PIRT: variants seen among roughly 807,000 people sequenced by gnomAD.
PIRT encodes the protein phosphoinositide interacting regulator of transient receptor potential channels, also known as phosphoinositide-interacting protein.
In PIRT, 6 loss-of-function variants were observed where a neutral mutation model predicts 7.9. The observed-to-expected ratio is 0.76, with a 90% CI of 0.42 to 1.51. The LOEUF (loss-of-function observed/expected upper bound fraction) is 1.51, where lower values mean the gene tolerates loss of function less well. Among genes scored for constraint, PIRT ranks in the 40% most tolerant of loss-of-function variants. The pLI is 0.01. For synonymous variants in PIRT, 78 were observed against 71.8 expected (o/e 1.09, Z -0.44); for missense variants, 170 against 172.9 (o/e 0.98, Z 0.09).
chr17:10,833,797 C>T (rs181236909), intron 1 of PIRT, among the ~76,000 whole-genome samples: 3 of 151,416 alleles, frequency 2.0e-5, no homozygotes, highest in Non-Finnish European at 4.4e-5. Context: ...GATTAATAGA[C>T]AAAGAGCCCA....
chr17:10,826,082 G>A (rs1023468059), intron 1 of PIRT, among the ~76,000 whole-genome samples: 1 of 151,996 alleles, frequency 6.6e-6, no homozygotes, highest in African/African-American at 2.4e-5. Context: ...TCCTGCCTCA[G>A]CCTCCTGAGT....
chr17:10,834,870 G>A (rs959014029), intron 1 of PIRT, among the ~76,000 whole-genome samples: 5 of 151,246 alleles, frequency 3.3e-5, no homozygotes, highest in Non-Finnish European at 5.9e-5. Context: ...GATTACAGAC[G>A]TGAGCCACTG....
chr17:10,833,582 GTC>G (rs1479581602), intron 1 of PIRT, among the ~76,000 whole-genome samples: 1 of 152,084 alleles, frequency 6.6e-6, no homozygotes, highest in Non-Finnish European at 1.5e-5. Context: ...GTGAAACTCT[GTC>G]TCTGCTAAAA....
chr17:10,829,999 CT>C (rs1209361691), intron 1 of PIRT, among the ~76,000 whole-genome samples: 1 of 141,798 alleles, frequency 7.1e-6, no homozygotes, highest in Non-Finnish European at 1.6e-5. Context: ...ATCTATCTAT[CT>C]ATCTATCTAT....
rs1905251331 is a variant in PIRT, at chr17:10,823,682, T to G, written c.*1550A>C. 6.6e-6 allele frequency: 1 copy of G among 152,210 alleles called. No individual in the cohort carries two copies. The highest frequency in any genetic ancestry group is 2.4e-5 in the African/African-American group (1 of 41,438). The allele number at this position is 152,210 out of a possible 1,614,324, so 9.4% of individuals were successfully genotyped here. ...GCTCCCTCACAGGTACTGCTTCTGT[T>G]CTTTCACCTACGGGCCTCTTGGTTG... is the stretch of plus-strand genomic sequence containing the variant. On this transcript the variant is annotated 3_prime_UTR_variant, in exon 2 of 2. Coordinates refer to ENST00000580256, the MANE Select transcript of PIRT (RefSeq NM_001101387.2).
At chr17:10,831,795 A>G (rs1464918441) in intron 1 of PIRT, among the ~76,000 whole-genome samples, 5 of 152,234 alleles carry the variant, frequency 3.3e-5, no homozygotes, top group African/African-American at 1.2e-4. Context: ...GGATGGGCCT[A>G]TGGAGGAGCA....
rs1905634484 is a variant in PIRT at position 10,838,018 on chromosome 17, T to A, written c.-212A>T. 1 of 152,268 alleles carries A rather than the reference T, an allele frequency of 6.6e-6. No homozygotes were observed. The highest frequency in any genetic ancestry group is 1.9e-4 in the East Asian group (1 of 5,168). 9.4% of individuals were successfully genotyped at this position (152,268 alleles called of 1,614,324 possible). A position where few individuals can be genotyped will look rare whatever the true frequency, so the allele number is the denominator to read the frequency against. On this transcript the variant is annotated 5_prime_UTR_variant, in exon 1 of 2. Coordinates refer to ENST00000580256, the MANE Select transcript of PIRT (RefSeq NM_001101387.2). ...GCTCGTGCAAGGAGGAAGCCGGCAA[T>A]GAGTTTCTGCTCAAGTCCATGCCAG... is the stretch of plus-strand genomic sequence containing the variant.
In PIRT at chr17:10,829,965, G is replaced by GTCTGTCTATCTA. The variant is rs1195802326; in HGVS notation, c.-138-4183_-138-4182insTAGATAGACAGA. On this transcript the variant is annotated intron_variant, in intron 1 of 1. Coordinates refer to ENST00000580256, the MANE Select transcript of PIRT (RefSeq NM_001101387.2). ...TTGTCCACTATGTAGATGTCTGTCT[G>GTCTGTCTATCTA]TCTATCTATCTATCTATCTATCTAT... Among the ~76,000 whole-genome samples the GTCTGTCTATCTA allele has an allele frequency of 1.7e-3, 248 of 149,590 alleles. 1 individual carries two copies. Among genetic ancestry groups the GTCTGTCTATCTA allele is most frequent in the Middle Eastern group, 6.8e-3 (2 of 294 alleles).
intron 1 of PIRT, among the ~76,000 whole-genome samples, chr17:10,826,673 A>C (rs944691913): frequency 2.6e-5 from 4 of 152,246 alleles, no homozygotes; most frequent in African/African-American, 9.6e-5. Flanking sequence ...AGATCACACG[A>C]TAAGGAACAG....
chr17:10,828,314 G>A (rs1905381962), intron 1 of PIRT, among the ~76,000 whole-genome samples: 1 of 152,084 alleles, frequency 6.6e-6, no homozygotes, highest in Non-Finnish European at 1.5e-5. Flanking sequence ...GCTCTCCGAG[G>A]CTTCTGCTCT....
intron 1 of PIRT, among the ~76,000 whole-genome samples, chr17:10,832,287 G>A (rs1905481014): frequency 6.6e-6 from 1 of 152,138 alleles, no homozygotes; most frequent in Non-Finnish European, 1.5e-5. Context: ...CCGCCTCCTG[G>A]GTTCAAGTGA....
intron 1 of PIRT, among the ~76,000 whole-genome samples, chr17:10,836,139 G>A (rs939525001): frequency 5.3e-5 from 8 of 152,182 alleles, no homozygotes; most frequent in African/African-American, 1.7e-4. Context: ...CTGACCTCAG[G>A]TGATCCACCT....
intron 1 of PIRT, among the ~76,000 whole-genome samples, chr17:10,826,259 C>T (rs771433493): frequency 1.1e-4 from 16 of 152,328 alleles, no homozygotes; most frequent in African/African-American, 2.9e-4. Flanking sequence ...CCACCGCACC[C>T]GGCCAGCTAT....
Position 10,823,877 on chromosome 17 carries a change from G to A in PIRT, c.*1355C>T, listed in dbSNP as rs1437812538. On this transcript the variant is annotated 3_prime_UTR_variant, in exon 2 of 2. Transcript: ENST00000580256. Reference sequence around the variant, plus strand: ...GGAAGCCGGGAAAGAGAGGGATGAAGTAAAAACATCTGGGAGGTCAGACAA... The same window carrying A: ...GGAAGCCGGGAAAGAGAGGGATGAAATAAAAACATCTGGGAGGTCAGACAA... 6.6e-6 allele frequency: 1 copy of A among 152,254 alleles called. No individual in the cohort carries two copies. The highest frequency in any genetic ancestry group is 1.5e-5 in the Non-Finnish European group (1 of 68,076). The allele number at this position is 152,254 out of a possible 1,614,324, so 9.4% of individuals were successfully genotyped here. A position where few individuals can be genotyped will look rare whatever the true frequency, so the allele number is the denominator to read the frequency against.
chr17:10,835,121 G>A (rs1157638947), intron 1 of PIRT, among the ~76,000 whole-genome samples: 1 of 152,154 alleles, frequency 6.6e-6, no homozygotes, highest in African/African-American at 2.4e-5. Context: ...TTTGGCCTAA[G>A]TGACCGCTCA....
rs1040507502 is a variant in PIRT, at chr17:10,823,379, G to C, written c.*1853C>G. On this transcript the variant is annotated 3_prime_UTR_variant, in exon 2 of 2. Coordinates refer to ENST00000580256, the MANE Select transcript of PIRT (RefSeq NM_001101387.2). ...CATGAGTTCCCCAAACTCTGACTCCGTGGGTGGGTCAGGTAGGGGTGGTCC... is the reference window on the plus strand; with the variant it reads ...CATGAGTTCCCCAAACTCTGACTCCCTGGGTGGGTCAGGTAGGGGTGGTCC... The C allele has an allele frequency of 6.6e-6, 1 of 152,316 alleles. No homozygotes were observed. The highest frequency in any genetic ancestry group is 2.4e-5 in the African/African-American group (1 of 41,470). 9.4% of individuals were successfully genotyped at this position (152,316 alleles called of 1,614,324 possible). A position where few individuals can be genotyped will look rare whatever the true frequency, so the allele number is the denominator to read the frequency against.
At position 10,829,045 on chromosome 17, in the gene PIRT, C is replaced by T. The variant is rs117923439; in HGVS notation, c.-138-3262G>A. On this transcript the variant is annotated intron_variant, in intron 1 of 1. Transcript: ENST00000580256. ...TAGCCATTTAAAAGGTGATTTTTTTCCCCCTGTGGGCTTGGGGGTAGGGAT... is the reference window on the plus strand; with the variant it reads ...TAGCCATTTAAAAGGTGATTTTTTTTCCCCTGTGGGCTTGGGGGTAGGGAT... Among the ~76,000 whole-genome samples, 97 of 152,194 alleles carry T rather than the reference C, an allele frequency of 6.4e-4. 1 individual carries two copies. The East Asian group carries it at 0.012, about 19-fold the overall frequency.
At chr17:10,827,410 C>T (rs917790948) in intron 1 of PIRT, among the ~76,000 whole-genome samples, 2 of 148,830 alleles carry the variant, frequency 1.3e-5, no homozygotes, top group African/African-American at 4.9e-5. Context: ...AGTGCTTTCT[C>T]AAATTCTTTT....
intron 1 of PIRT, among the ~76,000 whole-genome samples, chr17:10,832,478 C>T (rs1905485985): frequency 6.6e-6 from 1 of 152,174 alleles, no homozygotes; most frequent in Non-Finnish European, 1.5e-5. Context: ...CAGGCGTGAG[C>T]CACCACACCT....
Sources: allele counts gnomAD v4.1 joint callset (sites outside exome capture counted in the v4.1 genomes callset), GRCh38; gene constraint gnomAD v4.1.1; transcripts MANE v1.5; gene names NCBI Gene and HGNC (gene_info 2026-07-23, HGNC 2026-07-21).